The following HS6ST3 variants were observed in gnomAD, a reference collection of about 807,000 sequenced individuals.
The protein encoded by HS6ST3 is heparan-sulfate 6-O-sulfotransferase 3.
HS6ST3 carries 12 observed loss-of-function variants against 36.7 expected under a neutral mutation model. The observed-to-expected ratio is 0.33, with a 90% CI of 0.21 to 0.53. HS6ST3 has a LOEUF of 0.53. HS6ST3 is among the 20% of genes least tolerant of loss of function. The pLI is 0.95. For synonymous variants in HS6ST3, 240 were observed against 257.5 expected, an observed-to-expected ratio of 0.93 and a Z score of 0.65; for missense variants, 584 against 640.9, an observed-to-expected ratio of 0.91 and a Z score of 0.96.
At chr13:96,261,875 C>T (rs913136090) in intron 1 of HS6ST3, among the ~76,000 whole-genome samples, 1 of 152,130 alleles carries the variant, frequency 6.6e-6, no homozygotes, top group Non-Finnish European at 1.5e-5. Context: ...TCCATTTCAG[C>T]CTAGTCTGGT....
chr13:96,754,896 T>A (rs942926836), intron 1 of HS6ST3, among the ~76,000 whole-genome samples: 10 of 152,250 alleles, frequency 6.6e-5, no homozygotes, highest in South Asian at 2.1e-4. Context: ...CGTACATATA[T>A]ATCATATATA....
chr13:96,699,764 A>G (rs571518645), intron 1 of HS6ST3, among the ~76,000 whole-genome samples: 1 of 152,368 alleles, frequency 6.6e-6, no homozygotes, highest in African/African-American at 2.4e-5. Flanking sequence ...AAGGATTATA[A>G]AACATGCTGC....
At chr13:96,157,071 T>C (rs1229004620) in intron 1 of HS6ST3, among the ~76,000 whole-genome samples, 2 of 152,206 alleles carry the variant, frequency 1.3e-5, no homozygotes, top group East Asian at 3.8e-4. Context: ...TTTATTGATC[T>C]ATTAAACAAG....
At chr13:96,811,734 A>G (rs555796072) in intron 1 of HS6ST3, among the ~76,000 whole-genome samples, 6 of 152,240 alleles carry the variant, frequency 3.9e-5, no homozygotes, top group Admixed American at 1.3e-4. Context: ...TTAGTCTTTT[A>G]TCACCAAAGG....
At chr13:96,223,664 A>T (rs924867902) in intron 1 of HS6ST3, among the ~76,000 whole-genome samples, 2 of 147,908 alleles carry the variant, frequency 1.4e-5, no homozygotes, top group African/African-American at 5.0e-5. Flanking sequence ...GGGGGGGGGG[A>T]AGTTTTTGTC....
chr13:96,532,215 G>A (rs2056138405), intron 1 of HS6ST3, among the ~76,000 whole-genome samples: 1 of 152,148 alleles, frequency 6.6e-6, no homozygotes, highest in South Asian at 2.1e-4. Context: ...CTTATTTGAT[G>A]GGGAATAACG....
At position 96,736,498 on chromosome 13, in the gene HS6ST3, A is replaced by G. The variant is rs369243347; in HGVS notation, c.708-95992A>G. 1.3e-4 allele frequency among the ~76,000 whole-genome samples: 20 copies of G among 152,334 alleles called. No individual in the cohort carries two copies. In the East Asian group the frequency reaches 3.1e-3, roughly 24 times the overall value. On this transcript the variant is annotated intron_variant, in intron 1 of 1. Transcript: ENST00000376705. ...CATCATCATAAATACAAGGCAATAT[A>G]GAGACTTTAAGCTATTTATTATAGT... is the stretch of plus-strand genomic sequence containing the variant.
chr13:96,688,945 C>T (rs1381035599), intron 1 of HS6ST3, among the ~76,000 whole-genome samples: 1 of 152,012 alleles, frequency 6.6e-6, no homozygotes, highest in Non-Finnish European at 1.5e-5. Context: ...GAGGTCTTTT[C>T]GATCACCTCC....
intron 1 of HS6ST3, among the ~76,000 whole-genome samples, chr13:96,223,889 A>T (rs1285529186): frequency 6.6e-6 from 1 of 152,102 alleles, no homozygotes; most frequent in Non-Finnish European, 1.5e-5. Flanking sequence ...AGCCATGGGC[A>T]GTTTCTTCCA....
intron 1 of HS6ST3, among the ~76,000 whole-genome samples, chr13:96,405,069 A>C (rs919061660): frequency 6.6e-6 from 1 of 152,196 alleles, no homozygotes; most frequent in Non-Finnish European, 1.5e-5. Flanking sequence ...AGGCCTTCCC[A>C]GCCAAGTGGA....
chr13:96,354,947 G>GAAAATATC (rs1313866418), intron 1 of HS6ST3, among the ~76,000 whole-genome samples: 1 of 152,018 alleles, frequency 6.6e-6, no homozygotes, highest in African/African-American at 2.4e-5. Flanking sequence ...ATTTCCCATA[G>GAAAATATC]AAAATATCAA....
chr13:96,683,090 A>T (rs1481191348), intron 1 of HS6ST3, among the ~76,000 whole-genome samples: 1 of 152,114 alleles, frequency 6.6e-6, no homozygotes, highest in Non-Finnish European at 1.5e-5. Context: ...TGCCTTGTAT[A>T]TTTAAAGTAT....
At chr13:96,483,515 G>A (rs559129580) in intron 1 of HS6ST3, among the ~76,000 whole-genome samples, 13 of 152,244 alleles carry the variant, frequency 8.5e-5, no homozygotes, top group South Asian at 2.1e-4. Context: ...ATTAAATATC[G>A]TAACATGATT....
intron 1 of HS6ST3, among the ~76,000 whole-genome samples, chr13:96,533,996 T>C (rs1307885332): frequency 1.3e-5 from 2 of 152,220 alleles, no homozygotes; most frequent in East Asian, 3.9e-4. Context: ...CAGGCATTGC[T>C]TCTCCAGCCC....
At chr13:96,756,721 C>G (rs1365210292) in intron 1 of HS6ST3, among the ~76,000 whole-genome samples, 1 of 152,070 alleles carries the variant, frequency 6.6e-6, no homozygotes, top group Non-Finnish European at 1.5e-5. Context: ...AAGTTTATTG[C>G]TAAACATTTT....
At position 96,348,078 on chromosome 13, in the gene HS6ST3, A is replaced by G. The variant is rs1170771850; in HGVS notation, c.707+256509A>G. On this transcript the variant is annotated intron_variant, in intron 1 of 1. Transcript: ENST00000376705. ...ATTTAAATGTCAACACTATGCAATC[A>G]GAGAGTTCTTACCAATGGAATCAGA... is the stretch of plus-strand genomic sequence containing the variant. 2.0e-5 allele frequency among the ~76,000 whole-genome samples: 3 copies of G among 152,248 alleles called. No homozygotes were observed. In the East Asian group the frequency reaches 5.8e-4, roughly 29 times the overall value.
At chr13:96,583,439 C>T (rs1467279531) in intron 1 of HS6ST3, among the ~76,000 whole-genome samples, 1 of 151,682 alleles carries the variant, frequency 6.6e-6, no homozygotes, top group Non-Finnish European at 1.5e-5. Flanking sequence ...GACTCAAGCT[C>T]CTGACCTCAT....
At chr13:96,122,836 G>A (rs1027752468) in intron 1 of HS6ST3, among the ~76,000 whole-genome samples, 6 of 152,172 alleles carry the variant, frequency 3.9e-5, no homozygotes, top group Non-Finnish European at 5.9e-5. Flanking sequence ...GGACAGACCT[G>A]CTCTATCCGA....
intron 1 of HS6ST3, among the ~76,000 whole-genome samples, chr13:96,359,288 G>A (rs1042496563): frequency 2.6e-5 from 4 of 152,040 alleles, no homozygotes; most frequent in Non-Finnish European, 5.9e-5. Context: ...AAAACTTTTT[G>A]TATCTTTAAT....
Sources: allele counts gnomAD v4.1 joint callset (sites outside exome capture counted in the v4.1 genomes callset), GRCh38; gene constraint gnomAD v4.1.1; transcripts MANE v1.5; gene names NCBI Gene and HGNC (gene_info 2026-07-23, HGNC 2026-07-21).